Variants in MYO3A observed in about 807,000 individuals in gnomAD.
The protein encoded by MYO3A is myosin-IIIa.
Under a neutral mutation model 192.7 loss-of-function variants are expected in MYO3A, and 180 were observed. The observed-to-expected ratio is 0.93, with a 90% CI of 0.83 to 1.06. The LOEUF (loss-of-function observed/expected upper bound fraction) is 1.06. MYO3A is among the 50% of genes least tolerant of loss of function. The pLI is 0.00. For missense variants in MYO3A, 1,896 were observed against 1,905.0 expected (o/e 1.00, Z 0.09); for synonymous variants, 628 against 645.3 (o/e 0.97, Z 0.41).
intron 2 of MYO3A, among the ~76,000 whole-genome samples, chr10:25,939,205 G>A (rs1324765679): frequency 1.3e-5 from 2 of 151,506 alleles, no homozygotes; most frequent in Non-Finnish European, 2.9e-5. Flanking sequence ...TAATTTGTTA[G>A]TCTTTTCATC....
chr10:26,133,665 C>T (rs1185627834), intron 20 of MYO3A, among the ~76,000 whole-genome samples: 1 of 152,208 alleles, frequency 6.6e-6, no homozygotes, highest in Non-Finnish European at 1.5e-5. Flanking sequence ...ACAATCAAGA[C>T]TCACTGTAGC....
intron 3 of MYO3A, among the ~76,000 whole-genome samples, chr10:25,953,260 T>C (rs1283692451): frequency 6.6e-6 from 1 of 152,102 alleles, no homozygotes; most frequent in Non-Finnish European, 1.5e-5. Flanking sequence ...TTGTTCGTCT[T>C]AGGGTTGCTG....
intron 6 of MYO3A, among the ~76,000 whole-genome samples, chr10:26,015,140 A>G (rs751581719): frequency 6.6e-6 from 1 of 152,172 alleles, no homozygotes; most frequent in Non-Finnish European, 1.5e-5. Context: ...CTAAACCTCT[A>G]TAATGTTCCT....
intron 4 of MYO3A, among the ~76,000 whole-genome samples, chr10:25,965,290 G>A (rs558363600): frequency 3.9e-5 from 6 of 152,142 alleles, no homozygotes; most frequent in South Asian, 4.1e-4. Flanking sequence ...ACTTCATGGC[G>A]GCAGATTCCC....
At chr10:26,117,423 G>C (rs1212727567) in intron 17 of MYO3A, among the ~76,000 whole-genome samples, 1 of 152,048 alleles carries the variant, frequency 6.6e-6, no homozygotes, top group African/African-American at 2.4e-5. Flanking sequence ...CATCACCCAG[G>C]TATTAAGCCT....
At chr10:26,103,286 T>C (rs915439747) in intron 17 of MYO3A, among the ~76,000 whole-genome samples, 6 of 152,224 alleles carry the variant, frequency 3.9e-5, no homozygotes, top group Admixed American at 2.0e-4. Flanking sequence ...GTACCATCTG[T>C]CACGGCTTCC....
intron 10 of MYO3A, among the ~76,000 whole-genome samples, chr10:26,028,942 T>C (rs546992929): frequency 2.6e-5 from 4 of 152,096 alleles, no homozygotes; most frequent in Non-Finnish European, 5.9e-5. Context: ...AATTTTGCCT[T>C]GGAGGAAACA....
Position 26,096,630 on chromosome 10 carries a change from C to A in MYO3A, c.1724C>A (p.Ser575Tyr), listed in dbSNP as rs1231081494. The change falls in exon 17 of 35, where the codon TCC (serine) becomes TAC (tyrosine). Residue 575 changes from serine to tyrosine, a missense_variant. Ser to Tyr is a moderately radical substitution (Grantham distance 144). Coordinates refer to ENST00000642920, the MANE Select transcript of MYO3A (RefSeq NM_017433.5). Reference sequence around the variant, plus strand: ...ATCATGAATAATAGTTTCTATAAATCCCAGTATGAATTAATTGAGCAATGT... The same window carrying A: ...ATCATGAATAATAGTTTCTATAAATACCAGTATGAATTAATTGAGCAATGT... ...QDIMNNSFYK[S>Y]QYELIEQCFK... is the part of the protein sequence containing the mutation. 6.2e-7 allele frequency: 1 copy of A among 1,606,958 alleles called. No homozygotes were observed. Among genetic ancestry groups the A allele is most frequent in the Non-Finnish European group, 8.5e-7 (1 of 1,173,770 alleles).
rs1463313794 is a variant in MYO3A, at chr10:26,120,706, G to A, written c.1807G>A (p.Ala603Thr). The A allele has an allele frequency of 1.2e-6, 2 of 1,614,068 alleles. No homozygotes were observed. Among genetic ancestry groups the A allele is most frequent in the South Asian group, 1.1e-5 (1 of 91,078 alleles). ...TGGTAGTATATACAGCATACTCGCT[G>A]CAATCTTGAATGTTGGCAACATTGA... ...QLGSIYSILA[A>T]ILNVGNIEFS... Residue 603 changes from alanine to threonine, a missense_variant, in exon 18 of 35, where the codon GCA becomes ACA. Physicochemically the swap from Ala to Thr is moderately conservative, Grantham distance 58. Coordinates refer to ENST00000642920, the MANE Select transcript of MYO3A (RefSeq NM_017433.5).
intron 10 of MYO3A, among the ~76,000 whole-genome samples, chr10:26,055,965 G>A (rs894209137): frequency 6.6e-6 from 1 of 152,146 alleles, no homozygotes; most frequent in Admixed American, 6.6e-5. Context: ...CATACTAACA[G>A]GCAAAAATCA....
At chr10:26,205,689 T>A (rs1167377893) in intron 34 of MYO3A, among the ~76,000 whole-genome samples, 2 of 138,388 alleles carry the variant, frequency 1.4e-5, no homozygotes, top group Non-Finnish European at 3.0e-5. Flanking sequence ...CGATCTCGGC[T>A]CACTGCAAGC....
chr10:26,115,003 T>C (rs1838416236), intron 17 of MYO3A, among the ~76,000 whole-genome samples: 1 of 152,150 alleles, frequency 6.6e-6, no homozygotes, highest in South Asian at 2.1e-4. Context: ...CTTGGGAACC[T>C]ACGAGGAGTT....
chr10:26,068,459 A>G (rs1834991484), intron 11 of MYO3A, among the ~76,000 whole-genome samples: 1 of 152,092 alleles, frequency 6.6e-6, no homozygotes, highest in African/African-American at 2.4e-5. Flanking sequence ...TTTAATCTTT[A>G]CATCACTTAG....
chr10:25,996,798 A>G (rs1840470298), intron 5 of MYO3A, among the ~76,000 whole-genome samples: 1 of 152,186 alleles, frequency 6.6e-6, no homozygotes, highest in African/African-American at 2.4e-5. Context: ...AGGATCCTGA[A>G]TTCTGACCTC....
chr10:25,989,275 T>A (rs796457538), intron 4 of MYO3A, among the ~76,000 whole-genome samples: 5 of 150,792 alleles, frequency 3.3e-5, no homozygotes, highest in Admixed American at 6.6e-5. Context: ...TTTTTTTTTT[T>A]AAAGCAGCTT....
At chr10:26,202,842 T>C (rs1398142229) in intron 33 of MYO3A, 122 bp from the exon 34 acceptor site, 3 of 1,109,898 alleles carry the variant, frequency 2.7e-6, no homozygotes, top group Non-Finnish European at 3.9e-6. Context: ...TCCATTTCTA[T>C]TGACATGTGT....
At chr10:26,137,945 G>C (rs955987473) in intron 20 of MYO3A, among the ~76,000 whole-genome samples, 2 of 152,188 alleles carry the variant, frequency 1.3e-5, no homozygotes, top group African/African-American at 4.8e-5. Flanking sequence ...AAGACAATAT[G>C]TGCACTGCTG....
chr10:26,137,730 A>G (rs1039137037), intron 20 of MYO3A, among the ~76,000 whole-genome samples: 2 of 152,218 alleles, frequency 1.3e-5, no homozygotes, highest in African/African-American at 4.8e-5. Flanking sequence ...ACTCTGGGAA[A>G]GGAATTCATT....
chr10:26,166,597 A>T (rs1841765914), intron 27 of MYO3A, among the ~76,000 whole-genome samples: 1 of 152,242 alleles, frequency 6.6e-6, no homozygotes, highest in African/African-American at 2.4e-5. Context: ...TATCTTGAAG[A>T]TTTATCAAAA....
Sources: allele counts gnomAD v4.1 joint callset (sites outside exome capture counted in the v4.1 genomes callset), GRCh38; gene constraint gnomAD v4.1.1; transcripts MANE v1.5; gene names NCBI Gene and HGNC (gene_info 2026-07-23, HGNC 2026-07-21).